LPP: variants seen among roughly 807,000 people sequenced by gnomAD.
LPP encodes the protein lipoma-preferred partner.
In LPP, 38 loss-of-function variants were observed where a neutral mutation model predicts 60.4. That is an observed-to-expected ratio of 0.63 (90% CI 0.49 to 0.83). The LOEUF (loss-of-function observed/expected upper bound fraction) is 0.83, where lower values mean the gene tolerates loss of function less well. Among genes scored for constraint, LPP ranks in the 40% least tolerant of loss-of-function variants. LPP has a pLI of 0.00. For synonymous variants in LPP, 328 were observed against 290.8 expected (o/e 1.13, Z -1.30); for missense variants, 902 against 783.6 (o/e 1.15, Z -1.80).
At chr3:188,210,926 TC>T (rs1406206620) in intron 1 of LPP, among the ~76,000 whole-genome samples, 1 of 152,182 alleles carries the variant, frequency 6.6e-6, no homozygotes, top group Middle Eastern at 3.2e-3. Flanking sequence ...GAGATCTCTG[TC>T]CTGAATTCTG....
intron 2 of LPP, among the ~76,000 whole-genome samples, chr3:188,276,953 G>C (rs1333239893): frequency 1.5e-5 from 2 of 135,144 alleles, no homozygotes; most frequent in African/African-American, 6.0e-5. Flanking sequence ...GCCCAGGCTG[G>C]AGTATAGTGG....
intron 6 of LPP, among the ~76,000 whole-genome samples, chr3:188,576,874 A>G (rs1346591598): frequency 6.6e-6 from 1 of 152,202 alleles, no homozygotes; most frequent in Non-Finnish European, 1.5e-5. Context: ...AAAACATTGT[A>G]CATTCTTTGT....
intron 6 of LPP, among the ~76,000 whole-genome samples, chr3:188,577,283 A>G (rs1278086762): frequency 1.3e-5 from 2 of 152,102 alleles, no homozygotes; most frequent in East Asian, 1.9e-4. Context: ...TTCTCATCTA[A>G]TTTTCTCTTA....
chr3:188,203,102 T>C (rs1448041283), intron 1 of LPP, among the ~76,000 whole-genome samples: 2 of 142,656 alleles, frequency 1.4e-5, no homozygotes, highest in East Asian at 4.0e-4. Flanking sequence ...GTAAAAATAT[T>C]TATTTATAAT....
intron 9 of LPP, among the ~76,000 whole-genome samples, chr3:188,858,508 A>G (rs1285297916): frequency 6.6e-6 from 1 of 152,250 alleles, no homozygotes; most frequent in Non-Finnish European, 1.5e-5. Context: ...CCGATTTAGT[A>G]AAGCTCAGAT....
chr3:188,706,816 A>G (rs1441551989), intron 7 of LPP, among the ~76,000 whole-genome samples: 2 of 152,188 alleles, frequency 1.3e-5, no homozygotes, highest in Admixed American at 1.3e-4. Flanking sequence ...AACAATGCAT[A>G]AATATCAAGG....
At chr3:188,623,707 T>G (rs1338074109) in intron 7 of LPP, among the ~76,000 whole-genome samples, 2 of 152,242 alleles carry the variant, frequency 1.3e-5, no homozygotes, top group African/African-American at 4.8e-5. Flanking sequence ...GTCACTGCTG[T>G]GCAGCAACTC....
Position 188,432,850 on chromosome 3 carries a change from C to T in LPP, c.193+26537C>T, listed in dbSNP as rs558641003. ...GAAATGTGTGGATGGGAGGATTGGACAAGAGCCTCAAGGGATGGGAAGAAG... is the reference window on the plus strand; with the variant it reads ...GAAATGTGTGGATGGGAGGATTGGATAAGAGCCTCAAGGGATGGGAAGAAG... On this transcript the variant is annotated intron_variant, in intron 4 of 11. Coordinates refer to ENST00000617246, the MANE Select transcript of LPP (RefSeq NM_001375462.1). 2.0e-5 allele frequency among the ~76,000 whole-genome samples: 3 copies of T among 152,180 alleles called. No homozygotes were observed. The South Asian group carries it at 6.2e-4, about 32-fold the overall frequency.
intron 6 of LPP, among the ~76,000 whole-genome samples, chr3:188,606,667 G>C (rs1392229255): frequency 6.6e-6 from 1 of 151,958 alleles, no homozygotes; most frequent in Non-Finnish European, 1.5e-5. Flanking sequence ...GTATGTTCAA[G>C]ACATTCCTAA....
chr3:188,281,115 C>T (rs548320302), intron 2 of LPP, among the ~76,000 whole-genome samples: 1 of 151,940 alleles, frequency 6.6e-6, no homozygotes, highest in Admixed American at 6.6e-5. Flanking sequence ...TGAAATAATG[C>T]ATGTGAAGAG....
At chr3:188,862,520 A>G (rs1045578185) in intron 9 of LPP, among the ~76,000 whole-genome samples, 2 of 152,056 alleles carry the variant, frequency 1.3e-5, no homozygotes, top group Non-Finnish European at 2.9e-5. Context: ...CTGGGCTGGT[A>G]AAAGAATGTT....
At chr3:188,281,241 G>A (rs994937107) in intron 2 of LPP, among the ~76,000 whole-genome samples, 1 of 152,022 alleles carries the variant, frequency 6.6e-6, no homozygotes, top group African/African-American at 2.4e-5. Context: ...GTATGGATAA[G>A]TCCGTAAACA....
At chr3:188,238,983 G>A (rs1416112981) in intron 2 of LPP, among the ~76,000 whole-genome samples, 1 of 152,134 alleles carries the variant, frequency 6.6e-6, no homozygotes, top group African/African-American at 2.4e-5. Context: ...AAGATGCTCA[G>A]GAAAAAATAA....
intron 3 of LPP, among the ~76,000 whole-genome samples, chr3:188,368,715 CACACAGAG>C (rs753582439): frequency 0.019 from 1,431 of 73,998 alleles, 7 homozygotes; most frequent in Middle Eastern, 0.14. Flanking sequence ...CACACACACA[CACACAGAG>C]AGAGAGAGAG....
intron 4 of LPP, among the ~76,000 whole-genome samples, chr3:188,418,659 C>T (rs571277724): frequency 1.8e-4 from 27 of 152,220 alleles, no homozygotes; most frequent in Admixed American, 1.3e-3. Context: ...TTAAGGTCAT[C>T]CAAATAATGT....
At chr3:188,314,339 C>CT (rs543346618) in intron 2 of LPP, among the ~76,000 whole-genome samples, 85 of 145,946 alleles carry the variant, frequency 5.8e-4, no homozygotes, top group African/African-American at 1.7e-3. Flanking sequence ...GGTTATCTAG[C>CT]TTTTTTTTTT....
intron 4 of LPP, among the ~76,000 whole-genome samples, chr3:188,436,816 A>G (rs1006947157): frequency 7.9e-5 from 12 of 152,080 alleles, no homozygotes; most frequent in Non-Finnish European, 1.6e-4. Context: ...TGTAGGTAAG[A>G]TTGTCTGTGG....
chr3:188,590,232 A>G (rs532096154), intron 6 of LPP, among the ~76,000 whole-genome samples: 1 of 152,296 alleles, frequency 6.6e-6, no homozygotes, highest in African/African-American at 2.4e-5. Flanking sequence ...AACAATCTAC[A>G]TGTTCTTCAA....
At chr3:188,753,531 T>C (rs2150351153) in intron 8 of LPP, among the ~76,000 whole-genome samples, 1 of 151,736 alleles carries the variant, frequency 6.6e-6, no homozygotes, top group Non-Finnish European at 1.5e-5. Flanking sequence ...TATCCACTCA[T>C]TCCTGAACTC....
Sources: allele counts gnomAD v4.1 joint callset (sites outside exome capture counted in the v4.1 genomes callset), GRCh38; gene constraint gnomAD v4.1.1; transcripts MANE v1.5; gene names NCBI Gene and HGNC (gene_info 2026-07-23, HGNC 2026-07-21).